NRXN3: variants seen among roughly 807,000 people sequenced by gnomAD.
The protein encoded by NRXN3 is neurexin 3.
A neutral mutation model predicts 137.6 loss-of-function variants in NRXN3; 32 were observed. That is an observed-to-expected ratio of 0.23 (90% confidence interval 0.18 to 0.31). The LOEUF is 0.31. Ranked by LOEUF, NRXN3 falls within the 10% of genes least tolerant of loss-of-function variation. The pLI is 1.00. For synonymous variants in NRXN3, 798 were observed against 784.5 expected (o/e 1.02, Z -0.29); for missense variants, 1,574 against 2,062.5 (o/e 0.76, Z 4.59).
chr14:79,003,277 C>T (rs1402831431), intron 15 of NRXN3, among the ~76,000 whole-genome samples: 1 of 152,170 alleles, frequency 6.6e-6, no homozygotes, highest in Admixed American at 6.5e-5. Flanking sequence ...TGGCTCTTGT[C>T]ATTGTAAGAC....
At chr14:79,191,101 T>C (rs1449374139) in intron 15 of NRXN3, among the ~76,000 whole-genome samples, 2 of 152,200 alleles carry the variant, frequency 1.3e-5, no homozygotes, top group Admixed American at 1.3e-4. Context: ...GGTCTTTGGA[T>C]GAAGGCCTGA....
chr14:79,094,904 A>G (rs1423537370), intron 15 of NRXN3, among the ~76,000 whole-genome samples: 3 of 151,790 alleles, frequency 2.0e-5, no homozygotes, highest in African/African-American at 7.3e-5. Context: ...GAGCCTTTTT[A>G]AACAAGAAAT....
chr14:79,166,048 C>T (rs945865167), intron 15 of NRXN3, among the ~76,000 whole-genome samples: 3 of 152,002 alleles, frequency 2.0e-5, no homozygotes, highest in African/African-American at 4.8e-5. Context: ...TGCCCTTCTA[C>T]AGTTCCTTCT....
intron 16 of NRXN3, among the ~76,000 whole-genome samples, chr14:79,634,338 G>C (rs1270129918): frequency 4.6e-5 from 7 of 152,364 alleles, no homozygotes; most frequent in Non-Finnish European, 7.4e-5. Context: ...AGGAGACAGA[G>C]AGATGGCTCT....
At chr14:78,408,547 C>T (rs1381657983) in intron 4 of NRXN3, among the ~76,000 whole-genome samples, 1 of 152,174 alleles carries the variant, frequency 6.6e-6, no homozygotes, top group Non-Finnish European at 1.5e-5. Context: ...TTTTCCTTTA[C>T]AATATCTTTA....
At chr14:78,928,172 TC>T (rs2099311428) in intron 10 of NRXN3, among the ~76,000 whole-genome samples, 2 of 152,094 alleles carry the variant, frequency 1.3e-5, no homozygotes, top group South Asian at 4.1e-4. Flanking sequence ...TCTGGGATCT[TC>T]CCCCAAATAA....
At chr14:79,064,821 G>GTA (rs1224502037) in intron 15 of NRXN3, among the ~76,000 whole-genome samples, 33 of 136,088 alleles carry the variant, frequency 2.4e-4, no homozygotes, top group African/African-American at 5.6e-4. Context: ...GTGTGTGTGT[G>GTA]TGTATATATA....
At chr14:78,208,804 A>G (rs1255796387) in intron 1 of NRXN3, among the ~76,000 whole-genome samples, 1 of 152,228 alleles carries the variant, frequency 6.6e-6, no homozygotes, top group Non-Finnish European at 1.5e-5. Context: ...CTCTCAGCAC[A>G]TGGTAAGCTC....
In NRXN3 at chr14:79,656,513, G is replaced by A. The variant is rs75805130; in HGVS notation, c.3445-7265G>A. ...CTTAGAGCCGTGGTAGCTTTGACTT[G>A]CATCTTATTTACTTGCATCGGCTGT... On this transcript the variant is annotated intron_variant, in intron 16 of 20. Transcript: ENST00000335750. Among the ~76,000 whole-genome samples, 2,187 of 152,154 alleles carry A rather than the reference G, an allele frequency of 0.014. 168 individuals carry two copies. In the East Asian group the frequency reaches 0.23, roughly 16 times the overall value.
At chr14:79,628,132 T>G (rs1055218829) in intron 16 of NRXN3, among the ~76,000 whole-genome samples, 1 of 152,190 alleles carries the variant, frequency 6.6e-6, no homozygotes, top group African/African-American at 2.4e-5. Context: ...AAAGGCACTT[T>G]TTTTCCTCAT....
intron 20 of NRXN3, among the ~76,000 whole-genome samples, chr14:79,852,625 G>A (rs944022906): frequency 4.0e-5 from 6 of 150,390 alleles, no homozygotes; most frequent in African/African-American, 9.7e-5. Context: ...TAAAGAAAAC[G>A]TAAAATTAGT....
intron 15 of NRXN3, among the ~76,000 whole-genome samples, chr14:79,027,492 C>A (rs139112397): frequency 6.6e-6 from 1 of 152,212 alleles, no homozygotes; most frequent in East Asian, 1.9e-4. Flanking sequence ...TCTGTTACTT[C>A]GAGTTGCTAG....
At chr14:78,419,961 GCACA>G (rs1256574515) in intron 4 of NRXN3, among the ~76,000 whole-genome samples, 7 of 49,242 alleles carry the variant, frequency 1.4e-4, no homozygotes, top group Admixed American at 3.3e-4. Context: ...GCGCGCGCAC[GCACA>G]CACACACACA....
At chr14:79,560,595 C>A (rs1044078971) in intron 16 of NRXN3, among the ~76,000 whole-genome samples, 1 of 143,448 alleles carries the variant, frequency 7.0e-6, no homozygotes, top group Non-Finnish European at 1.5e-5. Flanking sequence ...ACTGCAACCT[C>A]CGCCTCTTGG....
At chr14:78,578,119 G>C (rs1376641083) in intron 4 of NRXN3, among the ~76,000 whole-genome samples, 1 of 152,054 alleles carries the variant, frequency 6.6e-6, no homozygotes. Flanking sequence ...TTTGACAAAT[G>C]GTTCAGGTAA....
At chr14:79,606,151 T>C (rs2543577) in intron 16 of NRXN3, among the ~76,000 whole-genome samples, 73,381 of 152,088 alleles carry the variant, frequency 0.48, 19,697 homozygotes, top group African/African-American at 0.72. Context: ...TCCGGATAAA[T>C]CTTCATGATG....
chr14:78,524,056 A>G (rs2096336055), intron 4 of NRXN3, among the ~76,000 whole-genome samples: 1 of 152,188 alleles, frequency 6.6e-6, no homozygotes, highest in Non-Finnish European at 1.5e-5. Flanking sequence ...AGATTTTGGC[A>G]TTTTGTTATT....
chr14:79,795,477 T>C (rs1287870747), intron 19 of NRXN3, among the ~76,000 whole-genome samples: 1 of 152,122 alleles, frequency 6.6e-6, no homozygotes, highest in Non-Finnish European at 1.5e-5. Flanking sequence ...AGGGATAAAT[T>C]CTCAATCGAA....
Position 79,770,630 on chromosome 14 carries a change from T to C in NRXN3, c.4015-34482T>C, listed in dbSNP as rs1340811296. On this transcript the variant is annotated intron_variant, in intron 19 of 20. Transcript: ENST00000335750. Reference sequence around the variant, plus strand: ...TCTGGGACACATTCAAAGCAGTGTGTAGAGGGAAATTTATAGCACTAAATG... The same window carrying C: ...TCTGGGACACATTCAAAGCAGTGTGCAGAGGGAAATTTATAGCACTAAATG... Among the ~76,000 whole-genome samples, 4 of 148,808 alleles carry C rather than the reference T, an allele frequency of 2.7e-5. No homozygotes were observed. In the South Asian group the frequency reaches 6.7e-4, roughly 25 times the overall value.
Sources: allele counts gnomAD v4.1 joint callset (sites outside exome capture counted in the v4.1 genomes callset), GRCh38; gene constraint gnomAD v4.1.1; transcripts MANE v1.5; gene names NCBI Gene and HGNC (gene_info 2026-07-23, HGNC 2026-07-21).